Variants in ZNF469 observed in about 807,000 individuals in gnomAD.
The protein encoded by ZNF469 is zinc finger protein 469.
ZNF469 carries 1 observed loss-of-function variant against 1.0 expected under a neutral mutation model. That is an observed-to-expected ratio of 1.00 (90% CI 0.35 to 4.73). The LOEUF (loss-of-function observed/expected upper bound fraction) is 4.73. Among genes scored for constraint, ZNF469 ranks in the 30% most tolerant of loss-of-function variants. ZNF469 has a pLI of 0.16. For synonymous variants in ZNF469, 2,703 were observed against 2,363.4 expected, an observed-to-expected ratio of 1.14 and a Z score of -4.17; for missense variants, 6,100 against 5,356.3, an observed-to-expected ratio of 1.14 and a Z score of -4.33.
At chr16:88,240,291 G>C in the ZNF469 span, among the ~76,000 whole-genome samples, 1 of 152,220 alleles carries the variant, frequency 6.6e-6, no homozygotes, top group South Asian at 2.1e-4. Flanking sequence ...TTAAGGAGGA[G>C]TGGGAGGAAG....
chr16:88,197,973 C>T, the ZNF469 span, among the ~76,000 whole-genome samples: 5 of 152,244 alleles, frequency 3.3e-5, no homozygotes, highest in African/African-American at 1.2e-4. Context: ...TCATTAGAAG[C>T]ATGTCCCTGA....
At chr16:88,226,576 C>T in the ZNF469 span, among the ~76,000 whole-genome samples, 2 of 152,104 alleles carry the variant, frequency 1.3e-5, no homozygotes, top group Non-Finnish European at 2.9e-5. Context: ...TAGTCTGTGG[C>T]CCTTTCTTAC....
chr16:88,286,198 C>G, the ZNF469 span, among the ~76,000 whole-genome samples: 1 of 152,240 alleles, frequency 6.6e-6, no homozygotes. Context: ...TCACAGGTCC[C>G]TCCAGTTGTT....
At chr16:88,293,435 C>T in the ZNF469 span, among the ~76,000 whole-genome samples, 33 of 151,738 alleles carry the variant, frequency 2.2e-4, no homozygotes, top group South Asian at 6.3e-4. Flanking sequence ...ATGGTTAAAT[C>T]GGTACGTGGT....
chr16:88,290,417 C>G, the ZNF469 span, among the ~76,000 whole-genome samples: 1 of 152,094 alleles, frequency 6.6e-6, no homozygotes, highest in Non-Finnish European at 1.5e-5. Flanking sequence ...TGGCAGGTGA[C>G]GTCCCCTCCT....
chr16:88,212,524 T>A, the ZNF469 span, among the ~76,000 whole-genome samples: 3 of 152,238 alleles, frequency 2.0e-5, no homozygotes, highest in Non-Finnish European at 4.4e-5. Context: ...ATCATTAGTG[T>A]GATTTTTGTC....
the ZNF469 span, chr16:88,234,869 AG>A: frequency 1.3e-5 from 2 of 152,068 alleles, no homozygotes; most frequent in African/African-American, 4.8e-5. Flanking sequence ...CCTGACTCAC[AG>A]GAAGGGAGGA....
chr16:88,244,840 T>G, the ZNF469 span, among the ~76,000 whole-genome samples: 1 of 146,706 alleles, frequency 6.8e-6, no homozygotes, highest in East Asian at 2.0e-4. Context: ...GCTCAGAAAG[T>G]TTATGATTTA....
At chr16:88,374,070 T>C in the ZNF469 span, among the ~76,000 whole-genome samples, 1 of 149,984 alleles carries the variant, frequency 6.7e-6, no homozygotes, top group Non-Finnish European at 1.5e-5. Flanking sequence ...ATGAACGTAG[T>C]GTGTGGTGAG....
At chr16:88,387,563 T>C (rs926232728) in intron 1 of ZNF469, among the ~76,000 whole-genome samples, 8 of 152,170 alleles carry the variant, frequency 5.3e-5, no homozygotes, top group African/African-American at 1.4e-4. Context: ...CGTCAAACGG[T>C]AGACTTCCTG....
At position 88,431,652 on chromosome 16, in the gene ZNF469, C is replaced by T; in HGVS notation, c.4182C>T (p.Phe1394=). ...FLGPKDLAGC[F]LEELHPKPSA... is the part of the protein sequence containing the mutation. ...GACCCAAAGACCTGGCTGGCTGTTTCCTGGAAGAACTGCACCCCAAGCCCT... is the reference window on the plus strand; with the variant it reads ...GACCCAAAGACCTGGCTGGCTGTTTTCTGGAAGAACTGCACCCCAAGCCCT... The change falls in exon 3 of 3, where the codon TTC becomes TTT. Residue 1394 remains phenylalanine (F), a synonymous_variant. Coordinates refer to ENST00000565624, the MANE Select transcript of ZNF469 (RefSeq NM_001367624.2). 6.4e-7 allele frequency: 1 copy of T among 1,550,448 alleles called. No individual in the cohort carries two copies. Among genetic ancestry groups the T allele is most frequent in the Non-Finnish European group, 8.7e-7 (1 of 1,146,984 alleles).
chr16:88,327,953 G>A, the ZNF469 span, among the ~76,000 whole-genome samples: 6 of 152,202 alleles, frequency 3.9e-5, no homozygotes, highest in Admixed American at 1.3e-4. Context: ...GCTCCATCAC[G>A]GCTGCACACC....
the ZNF469 span, among the ~76,000 whole-genome samples, chr16:88,144,746 T>A: frequency 6.6e-6 from 1 of 152,226 alleles, no homozygotes; most frequent in African/African-American, 2.4e-5. Flanking sequence ...AGTGAGAAGT[T>A]CAACTTGTTG....
the ZNF469 span, among the ~76,000 whole-genome samples, chr16:88,292,220 G>A: frequency 6.6e-6 from 1 of 152,176 alleles, no homozygotes; most frequent in African/African-American, 2.4e-5. Context: ...TGAGCTGCCT[G>A]GTGTGCGTGG....
At chr16:88,197,672 G>C in the ZNF469 span, among the ~76,000 whole-genome samples, 4 of 152,234 alleles carry the variant, frequency 2.6e-5, no homozygotes, top group South Asian at 2.1e-4. Context: ...CAGTACGATG[G>C]TGTGGGCCTT....
chr16:88,144,507 A>G, the ZNF469 span, among the ~76,000 whole-genome samples: 2 of 152,190 alleles, frequency 1.3e-5, no homozygotes, highest in Admixed American at 6.5e-5. Flanking sequence ...CGTGACATTT[A>G]AAGATTTTTC....
the ZNF469 span, among the ~76,000 whole-genome samples, chr16:88,260,913 G>A: frequency 6.6e-6 from 1 of 152,160 alleles, no homozygotes; most frequent in Non-Finnish European, 1.5e-5. The surrounding 1 kb of genome is among the most constrained non-coding windows in gnomAD (Gnocchi z 4.1). Context: ...AAAAGGAGGA[G>A]GCTGCGTGGC....
At chr16:88,240,490 T>C in the ZNF469 span, among the ~76,000 whole-genome samples, 2 of 152,118 alleles carry the variant, frequency 1.3e-5, no homozygotes, top group Non-Finnish European at 2.9e-5. Context: ...CCGCCTGGCC[T>C]CAACACTGTG....
the ZNF469 span, among the ~76,000 whole-genome samples, chr16:88,347,874 C>T: frequency 6.6e-6 from 1 of 152,244 alleles, no homozygotes; most frequent in Admixed American, 6.5e-5. Context: ...GAGAGGTGTG[C>T]AGGGTACAGC....
Sources: allele counts gnomAD v4.1 joint callset (sites outside exome capture counted in the v4.1 genomes callset), GRCh38; gene constraint gnomAD v4.1.1; non-coding constraint Gnocchi (gnomAD v3.1); transcripts MANE v1.5; gene names NCBI Gene and HGNC (gene_info 2026-07-23, HGNC 2026-07-21).